Variants in TPTE observed in about 807,000 individuals in gnomAD.
TPTE encodes the protein transmembrane phosphatase with tensin homology.
TPTE carries 59 observed loss-of-function variants against 84.1 expected under a neutral mutation model. The observed-to-expected ratio is 0.70, with a 90% CI of 0.57 to 0.87. TPTE has a LOEUF of 0.87. Ranked by LOEUF, TPTE falls within the 40% of genes least tolerant of loss-of-function variation. The probability of loss-of-function intolerance (pLI) is 0.00; values close to 1 mark genes in which losing one functional copy is unlikely to be tolerated. For missense variants in TPTE, 382 were observed against 659.6 expected, an observed-to-expected ratio of 0.58 and a Z score of 4.61; for synonymous variants, 130 against 223.5, an observed-to-expected ratio of 0.58 and a Z score of 3.73.
At chr21:10,602,396 C>T (rs1978657833) in intron 22 of TPTE, among the ~76,000 whole-genome samples, 1 of 151,988 alleles carries the variant, frequency 6.6e-6, no homozygotes, top group Admixed American at 6.5e-5. Flanking sequence ...ACAAAAAATA[C>T]AAAATAAACA....
chr21:10,525,018 T>C (rs542476475), intron 2 of TPTE, among the ~76,000 whole-genome samples: 20 of 152,414 alleles, frequency 1.3e-4, no homozygotes, highest in East Asian at 7.7e-4. Context: ...GTCACTTTAA[T>C]CTTTCCTACA....
At chr21:10,543,226 G>T (rs559518575) in intron 6 of TPTE, 103 bp from the exon 7 acceptor site, 8 of 1,427,900 alleles carry the variant, frequency 5.6e-6, no homozygotes, top group South Asian at 4.8e-5. Context: ...TAGAGACGGG[G>T]TTTCACCTTG....
At chr21:10,555,573 C>T (rs2074666238) in intron 8 of TPTE, among the ~76,000 whole-genome samples, 1 of 152,308 alleles carries the variant, frequency 6.6e-6, no homozygotes, top group Admixed American at 6.5e-5. Flanking sequence ...CATGTAATGC[C>T]TTTAATTTCA....
At chr21:10,529,626 G>T (rs1223156114) in intron 3 of TPTE, among the ~76,000 whole-genome samples, 1 of 152,312 alleles carries the variant, frequency 6.6e-6, no homozygotes, top group Non-Finnish European at 1.5e-5. Flanking sequence ...GATAGATGAG[G>T]GAATTGAATA....
At chr21:10,582,173 C>T (rs1402458085) in intron 17 of TPTE, among the ~76,000 whole-genome samples, 1 of 152,310 alleles carries the variant, frequency 6.6e-6, no homozygotes. Flanking sequence ...CAAAAATATT[C>T]AAGTTCCATT....
At position 10,573,425 on chromosome 21, in the gene TPTE, A is replaced by G. The variant is rs59507497; in HGVS notation, c.795+2876A>G. ...GGCCTTTAGCACCCCACTCTTAACCACTGGACAGATCATCTAGACAGAAAA... is the reference window on the plus strand; with the variant it reads ...GGCCTTTAGCACCCCACTCTTAACCGCTGGACAGATCATCTAGACAGAAAA... On this transcript the variant is annotated intron_variant, in intron 14 of 23. Transcript: ENST00000618007. Among the ~76,000 whole-genome samples the G allele has an allele frequency of 0.011, 1,587 of 149,954 alleles. No individual in the cohort carries two copies. In the East Asian group the frequency reaches 0.11, roughly 11 times the overall value.
At chr21:10,554,704 C>G (rs1182399523) in intron 8 of TPTE, among the ~76,000 whole-genome samples, 1 of 152,308 alleles carries the variant, frequency 6.6e-6, no homozygotes, top group South Asian at 2.1e-4. Flanking sequence ...ATGTTATTCT[C>G]AGAAAGTCCT....
intron 7 of TPTE, among the ~76,000 whole-genome samples, chr21:10,545,509 C>T (rs935444855): frequency 1.3e-5 from 2 of 152,292 alleles, no homozygotes; most frequent in African/African-American, 2.4e-5. Flanking sequence ...TAGCACTGGC[C>T]CGGATAAAAT....
chr21:10,589,075 A>G (rs2075417076), intron 17 of TPTE, among the ~76,000 whole-genome samples: 1 of 152,312 alleles, frequency 6.6e-6, no homozygotes, highest in Non-Finnish European at 1.5e-5. Flanking sequence ...CAGATTTCTC[A>G]TGGTTCCAGA....
At chr21:10,573,924 C>T (rs2075097084) in intron 14 of TPTE, among the ~76,000 whole-genome samples, 2 of 152,310 alleles carry the variant, frequency 1.3e-5, no homozygotes, top group African/African-American at 2.4e-5. Flanking sequence ...ATTAATTCTA[C>T]CCCATTTTAT....
chr21:10,551,346 T>TA (rs2074570126), intron 7 of TPTE, among the ~76,000 whole-genome samples: 4 of 152,290 alleles, frequency 2.6e-5, no homozygotes, highest in Non-Finnish European at 2.9e-5. Flanking sequence ...AATGACGAGT[T>TA]AATGGGCGCA....
chr21:10,596,389 A>C (rs1600980561), intron 20 of TPTE, among the ~76,000 whole-genome samples: 1 of 152,310 alleles, frequency 6.6e-6, no homozygotes, highest in Non-Finnish European at 1.5e-5. Context: ...TTCCGGGCAG[A>C]GGGAGCCTCT....
intron 10 of TPTE, among the ~76,000 whole-genome samples, chr21:10,561,607 C>A (rs212128): frequency 9.6e-3 from 1,452 of 151,748 alleles, no homozygotes; most frequent in African/African-American, 0.032. Flanking sequence ...GTACCCCCCC[C>A]ATGTCCTGTG....
intron 1 of TPTE, among the ~76,000 whole-genome samples, chr21:10,522,489 T>C (rs1280122698): frequency 6.6e-6 from 1 of 152,306 alleles, no homozygotes; most frequent in African/African-American, 2.4e-5. Context: ...TCCCCAGCGA[T>C]GCCCCGGGAA....
In TPTE at chr21:10,575,593, C is replaced by A. The variant is rs1600935313; in HGVS notation, c.796-1867C>A. ...AATGCCCAACAGGGGTCTCCAGCCA[C>A]CTCTTGCAGGTATGTGCGGGCTGGA... On this transcript the variant is annotated intron_variant, in intron 14 of 23. Coordinates refer to ENST00000618007, the MANE Select transcript of TPTE (RefSeq NM_199261.4). Among the ~76,000 whole-genome samples, 4 of 152,416 alleles carry A rather than the reference C, an allele frequency of 2.6e-5. No individual in the cohort carries two copies. In the East Asian group the frequency reaches 7.7e-4, roughly 29 times the overall value.
intron 2 of TPTE, among the ~76,000 whole-genome samples, chr21:10,525,394 C>T (rs2074060408): frequency 6.6e-6 from 1 of 152,302 alleles, no homozygotes; most frequent in Non-Finnish European, 1.5e-5. Flanking sequence ...GTCCTATCTC[C>T]AGGAACGTTT....
chr21:10,591,643 A>G (rs1282453580), intron 18 of TPTE, among the ~76,000 whole-genome samples: 1 of 152,310 alleles, frequency 6.6e-6, no homozygotes, highest in African/African-American at 2.4e-5. Flanking sequence ...CCCTAGACTG[A>G]GACCCAGGGA....
chr21:10,549,252 T>C (rs561953046), intron 7 of TPTE, among the ~76,000 whole-genome samples: 13 of 152,410 alleles, frequency 8.5e-5, no homozygotes, highest in Non-Finnish European at 1.5e-4. Context: ...TCCATAAAAT[T>C]GGAAAAGGTG....
intron 23 of TPTE, among the ~76,000 whole-genome samples, chr21:10,604,253 A>G (rs867271877): frequency 3.9e-5 from 6 of 152,176 alleles, no homozygotes; most frequent in Non-Finnish European, 7.3e-5. Flanking sequence ...CTTCTGCCAT[A>G]TTTGGAAACT....
Sources: gnomAD v4.1 joint callset for allele counts (sites outside exome capture counted in the v4.1 genomes callset) on GRCh38, gnomAD v4.1.1 for gene constraint, MANE v1.5 for transcripts, NCBI Gene and HGNC (gene_info 2026-07-23, HGNC 2026-07-21) for gene names.